Variants in SYNE3 observed in about 807,000 individuals in gnomAD.
SYNE3 encodes the protein nesprin-3.
In SYNE3, 100 loss-of-function variants were observed where a neutral mutation model predicts 111.2. That is an observed-to-expected ratio of 0.90 (90% CI 0.77 to 1.06). The LOEUF (loss-of-function observed/expected upper bound fraction) is 1.06, where lower values mean the gene tolerates loss of function less well. SYNE3 is among the 50% of genes least tolerant of loss of function. SYNE3 has a pLI of 0.00. For synonymous variants in SYNE3, 547 were observed against 533.9 expected (o/e 1.02, Z -0.34); for missense variants, 1,160 against 1,240.3 (o/e 0.94, Z 0.97).
intron 4 of SYNE3, among the ~76,000 whole-genome samples, chr14:95,463,210 T>A (rs10139467): frequency 3.9e-5 from 6 of 151,960 alleles, no homozygotes; most frequent in Admixed American, 1.3e-4. Flanking sequence ...ATAAAAAGAC[T>A]GGGGGAGCAG....
chr14:95,437,476 G>A (rs1346783696), intron 14 of SYNE3, among the ~76,000 whole-genome samples: 3 of 152,114 alleles, frequency 2.0e-5, no homozygotes, highest in Admixed American at 6.5e-5. Flanking sequence ...TTCTCCCTCT[G>A]CTCTTCACAC....
At chr14:95,455,746 G>A (rs371827415) in intron 5 of SYNE3, 22 bp from the exon 6 acceptor site, 20 of 1,605,322 alleles carry the variant, frequency 1.2e-5, no homozygotes, top group Non-Finnish European at 1.7e-5. Flanking sequence ...AGAGGGGTGA[G>A]GGAAAAACAG....
intron 1 of SYNE3, among the ~76,000 whole-genome samples, chr14:95,477,156 G>A (rs1595239663): frequency 6.6e-6 from 1 of 152,246 alleles, no homozygotes; most frequent in East Asian, 1.9e-4. Context: ...CAGAACTTTG[G>A]GAGGCTTAGG....
intron 11 of SYNE3, among the ~76,000 whole-genome samples, chr14:95,441,110 G>A (rs765880389): frequency 2.6e-5 from 4 of 152,138 alleles, no homozygotes; most frequent in East Asian, 1.9e-4. Context: ...AGGGCCTGCC[G>A]TTCCCATTCC....
At chr14:95,475,503 C>A (rs925993820) in intron 2 of SYNE3, among the ~76,000 whole-genome samples, 175 bp downstream of exon 2, 12 of 152,170 alleles carry the variant, frequency 7.9e-5, no homozygotes, top group African/African-American at 2.7e-4. Context: ...ACCTCCATGA[C>A]CCGATCAGAG....
chr14:95,512,314 T>G (rs2139620050), intron 1 of SYNE3, among the ~76,000 whole-genome samples: 1 of 152,268 alleles, frequency 6.6e-6, no homozygotes, highest in African/African-American at 2.4e-5. Flanking sequence ...TTAATTTCAT[T>G]TGTATTATGT....
chr14:95,449,705 G>C (rs1198508742), intron 8 of SYNE3: 3 of 982,084 alleles, frequency 3.1e-6, no homozygotes, highest in Non-Finnish European at 3.6e-6. Flanking sequence ...GGGAGCGTCC[G>C]TACGGAGCCC....
chr14:95,458,265 C>G (rs1479336093), intron 4 of SYNE3, among the ~76,000 whole-genome samples: 1 of 152,178 alleles, frequency 6.6e-6, no homozygotes, highest in Admixed American at 6.5e-5. Context: ...CATGATGTAG[C>G]TCTGTGGTCC....
intron 15 of SYNE3, among the ~76,000 whole-genome samples, chr14:95,435,570 T>G (rs1405241673): frequency 6.6e-6 from 1 of 152,002 alleles, no homozygotes; most frequent in Admixed American, 6.6e-5. Context: ...TAAGAAAGAT[T>G]GTTAGTAGAA....
chr14:95,417,736 CT>C lies in SYNE3; in HGVS notation c.*89del, dbSNP rs1158089894. ...CAGCTCTGCAGTCTTTGCCCTGCCCCTGTTTCCAGTTTCCCTGGCGAGCATC... is the reference window on the plus strand; with the variant it reads ...CAGCTCTGCAGTCTTTGCCCTGCCCCGTTTCCAGTTTCCCTGGCGAGCATC... On this transcript the variant is annotated 3_prime_UTR_variant, in exon 18 of 18. Coordinates refer to ENST00000682763, the MANE Select transcript of SYNE3 (RefSeq NM_152592.6). 7.8e-6 allele frequency: 11 copies of C among 1,404,054 alleles called. No homozygotes were observed. In the Admixed American group the frequency reaches 1.5e-4, roughly 19 times the overall value. 87.0% of individuals were successfully genotyped at this position (1,404,054 alleles called of 1,614,324 possible).
chr14:95,506,111 A>G (rs179159), intron 1 of SYNE3, among the ~76,000 whole-genome samples: 114,178 of 152,144 alleles, frequency 0.75, 43,427 homozygotes, highest in African/African-American at 0.82. Context: ...GAGATGAAGA[A>G]GGAGTGGCTG....
Position 95,410,180 on chromosome 14 carries a change from G to A in SYNE3, c.*7646C>T, listed in dbSNP as rs1474372351. ...CTTTGGGTAGACCTGAAGGACTCAGGGTCCCCTGAGAGGAGGTGGCAGGCC... is the reference window on the plus strand; with the variant it reads ...CTTTGGGTAGACCTGAAGGACTCAGAGTCCCCTGAGAGGAGGTGGCAGGCC... On this transcript the variant is annotated 3_prime_UTR_variant, in exon 18 of 18. Transcript: ENST00000682763. The A allele has an allele frequency of 6.6e-6, 1 of 152,336 alleles. No homozygotes were observed. The highest frequency in any genetic ancestry group is 2.4e-5 in the African/African-American group (1 of 41,454). The allele number at this position is 152,336 out of a possible 1,614,324, so 9.4% of individuals were successfully genotyped here.
At chr14:95,475,571 T>C in intron 2 of SYNE3, 107 bp downstream of exon 2, 8 of 1,227,424 alleles carry the variant, frequency 6.5e-6, no homozygotes, top group South Asian at 4.9e-5. Flanking sequence ...TTGAGAAACA[T>C]TGGTTTAGTC....
chr14:95,409,718 A>G lies in SYNE3; in HGVS notation c.*8108T>C. 2 of 302,474 alleles carry G rather than the reference A, an allele frequency of 6.6e-6. No homozygotes were observed. Among genetic ancestry groups the G allele is most frequent in the South Asian group, 6.3e-5 (2 of 32,000 alleles). The allele number at this position is 302,474 out of a possible 1,614,324, so 18.7% of individuals were successfully genotyped here. A position where few individuals can be genotyped will look rare whatever the true frequency, so the allele number is the denominator to read the frequency against. ...CCTTGTTCTTACTTTGAAAAACAGA[A>G]GTCGTTTCTCTCATACACAGAAGCT... On this transcript the variant is annotated 3_prime_UTR_variant, in exon 18 of 18. Transcript: ENST00000682763.
In SYNE3 at chr14:95,443,277, C is replaced by T; in HGVS notation, c.1789G>A (p.Glu597Lys). Residue 597 changes from glutamate (E) to lysine (K), a missense_variant, in exon 11 of 18, where the codon GAG (glutamate) becomes AAG (lysine). Coordinates refer to ENST00000682763, the MANE Select transcript of SYNE3 (RefSeq NM_152592.6). Reference protein sequence around the residue: ...QLSRLQGLQEEGLDLGAQMEA... With the variant: ...QLSRLQGLQEKGLDLGAQMEA... ...ATCTGTGCCCCCAAGTCCAGCCCCTCTTCCTGCAGCCCCTGCAGTAGAGAA... is the reference window on the plus strand; with the variant it reads ...ATCTGTGCCCCCAAGTCCAGCCCCTTTTCCTGCAGCCCCTGCAGTAGAGAA... 4 of 1,614,214 alleles carry T rather than the reference C, an allele frequency of 2.5e-6. No homozygotes were observed. Among genetic ancestry groups the T allele is most frequent in the Non-Finnish European group, 3.4e-6 (4 of 1,180,020 alleles).
At chr14:95,483,544 C>T (rs563738087) in intron 1 of SYNE3, among the ~76,000 whole-genome samples, 42 of 152,268 alleles carry the variant, frequency 2.8e-4, no homozygotes, top group African/African-American at 1.0e-3. Context: ...TTATTTATCA[C>T]AGAGGAGGTT....
intron 1 of SYNE3, among the ~76,000 whole-genome samples, chr14:95,496,923 T>C (rs1003824876): frequency 1.3e-5 from 2 of 152,258 alleles, no homozygotes; most frequent in Non-Finnish European, 2.9e-5. Context: ...CCAAATGGTA[T>C]TTTTCTGATC....
chr14:95,468,609 C>T (rs947660457), intron 2 of SYNE3, among the ~76,000 whole-genome samples: 7 of 152,228 alleles, frequency 4.6e-5, no homozygotes, highest in African/African-American at 1.4e-4. Flanking sequence ...TGCCTTAGAA[C>T]CCACAGCTGT....
At chr14:95,477,879 C>T (rs1888986470) in intron 1 of SYNE3, among the ~76,000 whole-genome samples, 1 of 152,198 alleles carries the variant, frequency 6.6e-6, no homozygotes, top group Non-Finnish European at 1.5e-5. Flanking sequence ...TAGTGTGTGA[C>T]TTGAATGGCT....
Sources: allele counts gnomAD v4.1 joint callset (sites outside exome capture counted in the v4.1 genomes callset), GRCh38; gene constraint gnomAD v4.1.1; transcripts MANE v1.5; gene names NCBI Gene and HGNC (gene_info 2026-07-23, HGNC 2026-07-21).